The following PHF20 variants were observed in gnomAD, a reference collection of about 807,000 sequenced individuals.
PHF20 encodes PHD finger protein 20, also known as glioma-expressed antigen 2.
Under a neutral mutation model 113.5 loss-of-function variants are expected in PHF20, and 23 were observed. That is an observed-to-expected ratio of 0.20 (90% CI 0.15 to 0.29). The LOEUF (loss-of-function observed/expected upper bound fraction) is 0.29, where lower values mean the gene tolerates loss of function less well. Ranked by LOEUF, PHF20 falls within the 10% of genes least tolerant of loss-of-function variation. The pLI is 1.00. For synonymous variants in PHF20, 434 were observed against 457.3 expected, an observed-to-expected ratio of 0.95 and a Z score of 0.65; for missense variants, 943 against 1,219.6, an observed-to-expected ratio of 0.77 and a Z score of 3.38.
At position 35,877,765 on chromosome 20, in the gene PHF20, A is replaced by G. The variant is rs890689083; in HGVS notation, c.1282+5936A>G. Among the ~76,000 whole-genome samples, 10 of 152,150 alleles carry G rather than the reference A, an allele frequency of 6.6e-5. No individual in the cohort carries two copies. In the East Asian group the frequency reaches 1.9e-3, roughly 29 times the overall value. Reference sequence around the variant, plus strand: ...AGAAGCACAGAATAAACAAGAGAGAAAAACAAATAGAAGTACAGGTCCATT... The same window carrying G: ...AGAAGCACAGAATAAACAAGAGAGAGAAACAAATAGAAGTACAGGTCCATT... On this transcript the variant is annotated intron_variant, in intron 9 of 17. Transcript: ENST00000374012.
At chr20:35,916,929 T>C (rs76069206) in intron 12 of PHF20, among the ~76,000 whole-genome samples, 3 of 150,864 alleles carry the variant, frequency 2.0e-5, no homozygotes, top group Admixed American at 6.6e-5. Context: ...GCCCAGCTAA[T>C]TTTTTTTTTC....
intron 14 of PHF20, among the ~76,000 whole-genome samples, chr20:35,930,341 A>G (rs1181895290): frequency 6.6e-6 from 1 of 152,226 alleles, no homozygotes; most frequent in Non-Finnish European, 1.5e-5. Context: ...AGCCAGAAAC[A>G]GAAGTTAAAA....
chr20:35,850,304 T>G (rs2042698667), intron 4 of PHF20, among the ~76,000 whole-genome samples: 4 of 105,716 alleles, frequency 3.8e-5, no homozygotes, highest in African/African-American at 8.4e-5. Flanking sequence ...CCGTTTTTTT[T>G]TTTTTTTTTT....
chr20:35,835,248 C>T (rs2042419966), intron 2 of PHF20, among the ~76,000 whole-genome samples: 1 of 151,930 alleles, frequency 6.6e-6, no homozygotes, highest in African/African-American at 2.4e-5. Flanking sequence ...GCACTCCAGT[C>T]TGGGCGACAG....
intron 16 of PHF20, among the ~76,000 whole-genome samples, chr20:35,940,030 C>A (rs952475274): frequency 2.0e-5 from 3 of 152,220 alleles, no homozygotes; most frequent in African/African-American, 7.2e-5. Flanking sequence ...ACTTCACTTT[C>A]CTGATCAGAC....
chr20:35,948,133 A>G lies in PHF20; in HGVS notation c.*506A>G, dbSNP rs6060710. The stretch of plus-strand genomic sequence containing the variant: ...CTCACCATGCTGTGGAGGTTGGGAA[A>G]GAGCAGAGTCTTGGCTGCCCTGCTT... On this transcript the variant is annotated 3_prime_UTR_variant, in exon 18 of 18. Coordinates refer to ENST00000374012, the MANE Select transcript of PHF20 (RefSeq NM_016436.5). 40,836 of 158,938 alleles carry G rather than the reference A, an allele frequency of 0.26. 6,352 individuals are homozygous for G. Among genetic ancestry groups the G allele is most frequent in the African/African-American group, 0.44 (18,486 of 41,556 alleles). 9.8% of individuals were successfully genotyped at this position (158,938 alleles called of 1,614,324 possible). A position where few individuals can be genotyped will look rare whatever the true frequency, so the allele number is the denominator to read the frequency against.
intron 2 of PHF20, among the ~76,000 whole-genome samples, chr20:35,824,809 C>T (rs1003120262): frequency 2.0e-5 from 3 of 152,152 alleles, no homozygotes; most frequent in Admixed American, 6.6e-5. Context: ...TTTACTTTCC[C>T]TCTATATATA....
chr20:35,839,416 G>A (rs1168708276), intron 2 of PHF20, among the ~76,000 whole-genome samples: 3 of 150,442 alleles, frequency 2.0e-5, no homozygotes, highest in Non-Finnish European at 3.0e-5. Context: ...AAAAAAGAAA[G>A]TGGTTTGAAT....
At chr20:35,873,296 T>G (rs1458031117) in intron 9 of PHF20, among the ~76,000 whole-genome samples, 1 of 151,786 alleles carries the variant, frequency 6.6e-6, no homozygotes, top group African/African-American at 2.4e-5. Flanking sequence ...AGACAGGGTC[T>G]CTCCGTGTTG....
chr20:35,807,894 T>A (rs2041912452), intron 2 of PHF20, among the ~76,000 whole-genome samples: 1 of 152,190 alleles, frequency 6.6e-6, no homozygotes, highest in Non-Finnish European at 1.5e-5. Flanking sequence ...AGTTCTTATT[T>A]CTTAGAGATT....
At chr20:35,812,655 T>C (rs549616695) in intron 2 of PHF20, among the ~76,000 whole-genome samples, 3 of 152,318 alleles carry the variant, frequency 2.0e-5, no homozygotes, top group Admixed American at 2.0e-4. Flanking sequence ...GTGTTTCATA[T>C]TGCATCACAT....
chr20:35,802,341 A>G (rs1303253843), intron 2 of PHF20, among the ~76,000 whole-genome samples: 1 of 151,568 alleles, frequency 6.6e-6, no homozygotes, highest in Non-Finnish European at 1.5e-5. Flanking sequence ...ATACCTCTTT[A>G]AGGGTTTTTG....
chr20:35,803,990 G>A (rs1424912857), intron 2 of PHF20, among the ~76,000 whole-genome samples: 1 of 151,642 alleles, frequency 6.6e-6, no homozygotes, highest in African/African-American at 2.4e-5. Flanking sequence ...ATGTATCTGG[G>A]ACTACATCTT....
In PHF20 at chr20:35,947,567, C is replaced by T. The variant is rs1309882705; in HGVS notation, c.2979C>T (p.Ile993=). The T allele has an allele frequency of 7.4e-6, 12 of 1,613,992 alleles. No homozygotes were observed. The highest frequency in any genetic ancestry group is 1.0e-5 in the Non-Finnish European group (12 of 1,180,002). ...LARLPQLKHC[I]KQLLMDLGKV... Reference sequence around the variant, plus strand: ...GGCTTCCGCAGCTCAAGCATTGTATCAAGCAGCTGCTGATGGACCTGGGCA... The same window carrying T: ...GGCTTCCGCAGCTCAAGCATTGTATTAAGCAGCTGCTGATGGACCTGGGCA... Residue 993 remains isoleucine (I), a synonymous_variant, in exon 18 of 18, where the codon ATC becomes ATT. Transcript: ENST00000374012.
intron 1 of PHF20, among the ~76,000 whole-genome samples, chr20:35,775,662 A>G (rs6058318): frequency 0.88 from 132,557 of 151,026 alleles, 58,228 homozygotes; most frequent in East Asian, 0.91. Context: ...GCTGAGGCAG[A>G]ATACTTGCTT....
intron 9 of PHF20, among the ~76,000 whole-genome samples, chr20:35,895,331 G>C (rs1171952257): frequency 6.6e-6 from 1 of 151,534 alleles, no homozygotes; most frequent in Non-Finnish European, 1.5e-5. Flanking sequence ...GCTAATTTTT[G>C]TATTTTAGTA....
chr20:35,871,589 A>G, intron 8 of PHF20, 61 bp from the exon 9 acceptor site: 1 of 1,391,072 alleles, frequency 7.2e-7, no homozygotes. Context: ...CTGTTGTAGG[A>G]CTTTTGATTT....
chr20:35,947,488 T>C lies in PHF20; in HGVS notation c.2900T>C (p.Leu967Ser). The C allele has an allele frequency of 6.2e-7, 1 of 1,613,946 alleles. No individual in the cohort carries two copies. Among genetic ancestry groups the C allele is most frequent in the South Asian group, 1.1e-5 (1 of 91,070 alleles). The change falls in exon 18 of 18, where the codon TTG (leucine) becomes TCG (serine). Residue 967 changes from leucine to serine, a missense_variant. Leu to Ser is a moderately radical substitution (Grantham distance 145, BLOSUM62 -2). Coordinates refer to ENST00000374012, the MANE Select transcript of PHF20 (RefSeq NM_016436.5). Reference protein sequence around the residue: ...MDSIEKELDVLESWLDYTGEL... With the variant: ...MDSIEKELDVSESWLDYTGEL... The stretch of plus-strand genomic sequence containing the variant: ...CATCTCTCTCTTCTGCCGACAGTGT[T>C]GGAGAGCTGGCTGGACTACACTGGG...
At chr20:35,850,836 T>C (rs974267213) in intron 4 of PHF20, 2 of 1,157,130 alleles carry the variant, frequency 1.7e-6, no homozygotes, top group Admixed American at 3.6e-5. Context: ...TGTATGTTTC[T>C]GGTGGCTCTG....
Sources: gnomAD v4.1 joint callset for allele counts (sites outside exome capture counted in the v4.1 genomes callset) on GRCh38, gnomAD v4.1.1 for gene constraint, MANE v1.5 for transcripts, NCBI Gene and HGNC (gene_info 2026-07-23, HGNC 2026-07-21) for gene names.